The following PARP8 variants were observed in gnomAD, a reference collection of about 807,000 sequenced individuals.
The protein encoded by PARP8 is protein mono-ADP-ribosyltransferase PARP8.
Under a neutral mutation model 124.1 loss-of-function variants are expected in PARP8, and 51 were observed. That is an observed-to-expected ratio of 0.41 (90% CI 0.33 to 0.52). The LOEUF is 0.52. Ranked by LOEUF, PARP8 falls within the 20% of genes least tolerant of loss-of-function variation. The probability of loss-of-function intolerance (pLI) is 0.21; values close to 1 mark genes in which losing one functional copy is unlikely to be tolerated. For synonymous variants in PARP8, 391 were observed against 361.5 expected, an observed-to-expected ratio of 1.08 and a Z score of -0.93; for missense variants, 860 against 1,018.9, an observed-to-expected ratio of 0.84 and a Z score of 2.12.
intron 2 of PARP8, among the ~76,000 whole-genome samples, chr5:50,733,958 G>A (rs1244183206): frequency 1.3e-5 from 2 of 152,064 alleles, no homozygotes; most frequent in African/African-American, 4.8e-5. Context: ...CTTATGTATA[G>A]CATTTCCTTA....
chr5:50,816,958 A>AG (rs1389782660), intron 15 of PARP8, among the ~76,000 whole-genome samples: 1 of 152,182 alleles, frequency 6.6e-6, no homozygotes, highest in Non-Finnish European at 1.5e-5. Context: ...AAAACCTTAC[A>AG]AGGGATATGT....
At chr5:50,796,676 T>C (rs1332750382) in intron 12 of PARP8, among the ~76,000 whole-genome samples, 2 of 152,220 alleles carry the variant, frequency 1.3e-5, no homozygotes, top group Non-Finnish European at 2.9e-5. Flanking sequence ...GAGCATTTGC[T>C]GATTAGTAAC....
At position 50,844,224 on chromosome 5, in the gene PARP8, G is replaced by C. The variant is rs533147911; in HGVS notation, c.*2156G>C. 18 of 151,930 alleles carry C rather than the reference G, an allele frequency of 1.2e-4. No individual in the cohort carries two copies. Among genetic ancestry groups the C allele is most frequent in the African/African-American group, 1.9e-4 (8 of 41,514 alleles). 9.4% of individuals were successfully genotyped at this position (151,930 alleles called of 1,614,324 possible). A position where few individuals can be genotyped will look rare whatever the true frequency, so the allele number is the denominator to read the frequency against. On this transcript the variant is annotated 3_prime_UTR_variant, in exon 26 of 26. Transcript: ENST00000281631. ...TAGTTTAATGCTAGGCATCTTTTAT[G>C]ATAATAAAGTAAGATGTCTTCTTAT...
intron 2 of PARP8, among the ~76,000 whole-genome samples, chr5:50,680,332 G>A (rs932132972): frequency 4.0e-5 from 6 of 151,828 alleles, no homozygotes; most frequent in African/African-American, 1.2e-4. Flanking sequence ...TGCTATAGTT[G>A]CTATAAAAGG....
intron 2 of PARP8, chr5:50,738,976 C>G: frequency 1.4e-6 from 1 of 702,470 alleles, no homozygotes. Flanking sequence ...TTTTCTGTAT[C>G]AAGCACATTC....
chr5:50,799,832 A>G (rs1287744219), intron 14 of PARP8, among the ~76,000 whole-genome samples: 1 of 152,128 alleles, frequency 6.6e-6, no homozygotes, highest in African/African-American at 2.4e-5. Context: ...TCACTCCTCT[A>G]CCATGAAAGG....
In PARP8 at chr5:50,752,358, G is replaced by A. The variant is rs1390121225; in HGVS notation, c.184+2170G>A. Among the ~76,000 whole-genome samples the A allele has an allele frequency of 2.6e-5, 4 of 151,940 alleles. No homozygotes were observed. The South Asian group carries it at 6.2e-4, about 24-fold the overall frequency. On this transcript the variant is annotated intron_variant, in intron 3 of 25. Transcript: ENST00000281631. ...AGAACTTGCAAACAAATCTGTCTGAGCTTTTTAGGGATGGTTCTGGGTCAG... is the reference window on the plus strand; with the variant it reads ...AGAACTTGCAAACAAATCTGTCTGAACTTTTTAGGGATGGTTCTGGGTCAG...
At chr5:50,693,920 CACAA>C (rs1752762225) in intron 2 of PARP8, among the ~76,000 whole-genome samples, 2 of 151,850 alleles carry the variant, frequency 1.3e-5, no homozygotes, top group Admixed American at 6.6e-5. Flanking sequence ...TCTGTACACA[CACAA>C]ACACACATTT....
intron 25 of PARP8, among the ~76,000 whole-genome samples, chr5:50,840,165 A>G (rs1224678640): frequency 6.6e-6 from 1 of 151,928 alleles, no homozygotes; most frequent in Non-Finnish European, 1.5e-5. Flanking sequence ...AATTCTTTCT[A>G]TCTGTGGTGA....
At chr5:50,705,770 ACT>A (rs972007972) in intron 2 of PARP8, among the ~76,000 whole-genome samples, 93 of 150,766 alleles carry the variant, frequency 6.2e-4, no homozygotes, top group African/African-American at 2.2e-3. Flanking sequence ...GTGACACAAG[ACT>A]CTGTTTCCCA....
At chr5:50,667,974 G>T (rs1162003579) in intron 1 of PARP8, 97 bp from the exon 2 acceptor site, 26 of 1,602,820 alleles carry the variant, frequency 1.6e-5, no homozygotes, top group Non-Finnish European at 2.1e-5. Context: ...GCCCGGCCAG[G>T]CCTCCCCTGA....
intron 2 of PARP8, 144 bp downstream of exon 2, chr5:50,668,269 T>C (rs1299169192): frequency 2.7e-6 from 2 of 747,446 alleles, no homozygotes; most frequent in Non-Finnish European, 4.6e-6. Context: ...AAGCCTGACG[T>C]CCCTCGGTTT....
chr5:50,779,710 A>G (rs1259252414), intron 9 of PARP8, among the ~76,000 whole-genome samples: 2 of 152,162 alleles, frequency 1.3e-5, no homozygotes, highest in Non-Finnish European at 2.9e-5. Context: ...TTGTGAAATC[A>G]TGGGCATCTT....
At chr5:50,715,084 A>G (rs1367713007) in intron 2 of PARP8, among the ~76,000 whole-genome samples, 1 of 151,992 alleles carries the variant, frequency 6.6e-6, no homozygotes, top group African/African-American at 2.4e-5. Context: ...CCAGCTAACT[A>G]TTCCCAACTC....
intron 7 of PARP8, among the ~76,000 whole-genome samples, chr5:50,766,149 A>C (rs1424429426): frequency 6.6e-6 from 1 of 152,208 alleles, no homozygotes. Flanking sequence ...GAGTGATGAT[A>C]GATATATTAC....
At chr5:50,692,239 C>A (rs1337756099) in intron 2 of PARP8, among the ~76,000 whole-genome samples, 1 of 152,136 alleles carries the variant, frequency 6.6e-6, no homozygotes, top group African/African-American at 2.4e-5. Flanking sequence ...TCTTCGTGAT[C>A]TGGCATCTCT....
At chr5:50,704,008 A>G (rs1753868088) in intron 2 of PARP8, among the ~76,000 whole-genome samples, 2 of 152,018 alleles carry the variant, frequency 1.3e-5, no homozygotes, top group African/African-American at 2.4e-5. Context: ...ATTACTTATT[A>G]TGATCTATTT....
At chr5:50,760,133 G>A (rs971163751) in intron 4 of PARP8, among the ~76,000 whole-genome samples, 159 bp from the exon 5 acceptor site, 4 of 152,128 alleles carry the variant, frequency 2.6e-5, no homozygotes, top group African/African-American at 9.7e-5. Flanking sequence ...CTTGCGTATT[G>A]TGTAACTCCT....
At chr5:50,815,583 A>G (rs1580438233) in intron 15 of PARP8, 59 bp downstream of exon 15, 6 of 1,221,678 alleles carry the variant, frequency 4.9e-6, no homozygotes, top group East Asian at 2.6e-5. Flanking sequence ...GTTCCAGTCC[A>G]CTAGTTATCT....
Sources: gnomAD v4.1 joint callset for allele counts (sites outside exome capture counted in the v4.1 genomes callset) on GRCh38, gnomAD v4.1.1 for gene constraint, MANE v1.5 for transcripts, NCBI Gene and HGNC (gene_info 2026-07-23, HGNC 2026-07-21) for gene names.